The following CC2D2A variants were observed in gnomAD, a reference collection of about 807,000 sequenced individuals.
CC2D2A encodes coiled-coil and C2 domain-containing protein 2A.
CC2D2A carries 155 observed loss-of-function variants against 212.9 expected under a neutral mutation model. The ratio of observed to expected loss-of-function variants is 0.73; its 90% CI spans 0.64 to 0.83. CC2D2A has a LOEUF of 0.83. CC2D2A is among the 40% of genes least tolerant of loss of function. CC2D2A has a pLI of 0.00. For missense variants in CC2D2A, 1,856 were observed against 1,956.2 expected, an observed-to-expected ratio of 0.95 and a Z score of 0.97; for synonymous variants, 667 against 686.5, an observed-to-expected ratio of 0.97 and a Z score of 0.44.
At chr4:15,580,311 C>T (rs1560192833) in intron 30 of CC2D2A, 140 bp downstream of exon 30, 7 of 715,740 alleles carry the variant, frequency 9.8e-6, no homozygotes, top group East Asian at 8.2e-5. Flanking sequence ...ATGATTAAAA[C>T]ATTTTTATTA....
Position 15,567,474 on chromosome 4 carries a change from C to T in CC2D2A, c.3280C>T (p.Leu1094Phe), listed in dbSNP as rs200518703. Reference protein sequence around the residue: ...YSPTHNADYPLGQVLVRPFVE... With the variant: ...YSPTHNADYPFGQVLVRPFVE... The stretch of plus-strand genomic sequence containing the variant: ...CCCAACCCACAATGCTGACTACCCC[C>T]TCGGCCAGGTGAGAGATGCTGGACT... The change falls in exon 25 of 37, where the codon CTC becomes TTC. Residue 1094 changes from leucine (L) to phenylalanine (F), a missense_variant. Leu to Phe is a conservative substitution (Grantham distance 22). This residue lies in a region of CC2D2A where 1,512 missense variants were observed against 1,579.3 expected (regional missense o/e 0.96). Transcript: ENST00000424120. 1 of 1,612,468 alleles carries T rather than the reference C, an allele frequency of 6.2e-7. No individual in the cohort carries two copies. Among genetic ancestry groups the T allele is most frequent in the Non-Finnish European group, 8.5e-7 (1 of 1,179,332 alleles).
At chr4:15,555,674 G>A (rs1719241137) in intron 20 of CC2D2A, among the ~76,000 whole-genome samples, 1 of 152,206 alleles carries the variant, frequency 6.6e-6, no homozygotes, top group Non-Finnish European at 1.5e-5. Context: ...ACAAGGTTGA[G>A]GCTTCAGTGA....
rs150230533 is a variant in CC2D2A, at chr4:15,571,430, G to A, written c.3594+934G>A. The stretch of plus-strand genomic sequence containing the variant: ...TTTGAAGTCCCAGTATTAAGTCTAT[G>A]GCAACAGGAGGCTTTGAATCACTGT... On this transcript the variant is annotated intron_variant, in intron 28 of 36. Coordinates refer to ENST00000424120, the MANE Select transcript of CC2D2A (RefSeq NM_001378615.1). 6.3e-3 allele frequency among the ~76,000 whole-genome samples: 955 copies of A among 152,200 alleles called. 6 individuals are homozygous for A. Among genetic ancestry groups the A allele is most frequent in the South Asian group, 0.014 (67 of 4,824 alleles).
intron 4 of CC2D2A, among the ~76,000 whole-genome samples, chr4:15,495,190 C>A (rs1468181352): frequency 6.6e-6 from 1 of 152,118 alleles, no homozygotes; most frequent in Non-Finnish European, 1.5e-5. Context: ...TTCACTGCAG[C>A]CTCCACCTCC....
chr4:15,584,143 GA>G (rs199721735), intron 30 of CC2D2A, among the ~76,000 whole-genome samples: 19 of 148,466 alleles, frequency 1.3e-4, no homozygotes, highest in East Asian at 7.9e-4. Context: ...CACAGAAATA[GA>G]AAAAAAAAAT....
chr4:15,537,341 A>C (rs550827255), intron 15 of CC2D2A, among the ~76,000 whole-genome samples: 13 of 152,378 alleles, frequency 8.5e-5, no homozygotes, highest in African/African-American at 3.1e-4. Context: ...TGCCTATTTA[A>C]GTAATAATGT....
rs1560159855 is a variant in CC2D2A, at chr4:15,514,850, C to T, written c.861C>T (p.Phe287=). Reference sequence around the variant, plus strand: ...TGCAGATGGAAAGAGAAATGCTCTTCATACCCAGTAGGCAGACAGGTACTT... The same window carrying T: ...TGCAGATGGAAAGAGAAATGCTCTTTATACCCAGTAGGCAGACAGGTACTT... ...DRLQMEREML[F]IPSRQTVPTY... The change falls in exon 9 of 37, where the codon TTC becomes TTT. Residue 287 remains phenylalanine, a synonymous_variant. Transcript: ENST00000424120. 1 of 1,613,870 alleles carries T rather than the reference C, an allele frequency of 6.2e-7. No homozygotes were observed. Among genetic ancestry groups the T allele is most frequent in the Admixed American group, 1.7e-5 (1 of 60,032 alleles).
intron 17 of CC2D2A, among the ~76,000 whole-genome samples, chr4:15,547,768 C>T (rs1382311668): frequency 1.3e-5 from 2 of 152,166 alleles, no homozygotes; most frequent in South Asian, 2.1e-4. Flanking sequence ...GGGCCAGGTA[C>T]GGTGGCTCAC....
Position 15,528,690 on chromosome 4 carries a change from T to C in CC2D2A, c.1430T>C (p.Ile477Thr). 1 of 1,611,310 alleles carries C rather than the reference T, an allele frequency of 6.2e-7. No homozygotes were observed. The highest frequency in any genetic ancestry group is 8.5e-7 in the Non-Finnish European group (1 of 1,178,968). Residue 477 changes from isoleucine to threonine, a missense_variant, in exon 13 of 37, where the codon ATC (isoleucine) becomes ACC (threonine). Ile to Thr is a moderately conservative substitution (Grantham distance 89, BLOSUM62 -1). Coordinates refer to ENST00000424120, the MANE Select transcript of CC2D2A (RefSeq NM_001378615.1). ...PEKPHQSLDTIQKTINEYKSE... is the reference protein window; with the variant it reads ...PEKPHQSLDTTQKTINEYKSE... ...AAACCTCATCAGTCTCTCGATACCA[T>C]CCAAAAAACCATCAATGAGTATAAA...
At chr4:15,529,788 C>T (rs182485556) in intron 13 of CC2D2A, among the ~76,000 whole-genome samples, 2,572 of 148,726 alleles carry the variant, frequency 0.017, 40 homozygotes, top group Non-Finnish European at 0.025. Flanking sequence ...CAGAACAAAT[C>T]CTTAGAACAG....
Position 15,599,671 on chromosome 4 carries a change from A to G in CC2D2A, c.4639A>G (p.Arg1547Gly), listed in dbSNP as rs369986526. 6.2e-7 allele frequency: 1 copy of G among 1,613,130 alleles called. No homozygotes were observed. Among genetic ancestry groups the G allele is most frequent in the Non-Finnish European group, 8.5e-7 (1 of 1,179,210 alleles). The change falls in exon 36 of 37, where the codon AGA (arginine) becomes GGA (glycine). Residue 1547 changes from arginine to glycine, a missense_variant. Transcript: ENST00000424120. ...SQGEDVEDDH[R>G]AELLKQLGDY... The stretch of plus-strand genomic sequence containing the variant: ...AGGAGAAGATGTAGAAGATGACCAC[A>G]GAGCAGAACTGCTAAAACAGCTGGG...
chr4:15,595,649 C>T (rs997471873), intron 33 of CC2D2A, among the ~76,000 whole-genome samples: 1 of 152,134 alleles, frequency 6.6e-6, no homozygotes, highest in African/African-American at 2.4e-5. Flanking sequence ...GTTCCAGAAC[C>T]AACATGCTAC....
At chr4:15,527,387 G>A in intron 11 of CC2D2A, 60 bp from the exon 12 acceptor site, 1 of 1,267,846 alleles carries the variant, frequency 7.9e-7, no homozygotes, top group Non-Finnish European at 1.1e-6. Context: ...GTGGATTAGA[G>A]AATCATTATC....
At chr4:15,563,241 A>G in intron 23 of CC2D2A, 114 bp from the exon 24 acceptor site, 2 of 974,492 alleles carry the variant, frequency 2.1e-6, no homozygotes, top group Non-Finnish European at 3.0e-6. Flanking sequence ...TTCAAAGGAC[A>G]AGGAGTTTTT....
At chr4:15,516,923 A>T (rs1299776907) in intron 11 of CC2D2A, among the ~76,000 whole-genome samples, 167 bp downstream of exon 11, 2 of 150,864 alleles carry the variant, frequency 1.3e-5, no homozygotes, top group Non-Finnish European at 2.9e-5. Context: ...AGTAAGTCTA[A>T]TTATACTCAA....
At chr4:15,590,007 G>C (rs1476536485) in intron 33 of CC2D2A, among the ~76,000 whole-genome samples, 1 of 152,048 alleles carries the variant, frequency 6.6e-6, no homozygotes, top group Non-Finnish European at 1.5e-5. Context: ...CCAAAATAGA[G>C]TTTACAATTT....
At chr4:15,551,112 G>A (rs1184137876) in intron 18 of CC2D2A, 132 bp downstream of exon 18, 19 of 830,044 alleles carry the variant, frequency 2.3e-5, no homozygotes, top group Non-Finnish European at 3.4e-6. Context: ...AAACAATGAT[G>A]CTATGCAACT....
chr4:15,593,165 A>T (rs1320951602), intron 33 of CC2D2A, among the ~76,000 whole-genome samples: 1 of 152,208 alleles, frequency 6.6e-6, no homozygotes, highest in Non-Finnish European at 1.5e-5. Flanking sequence ...GGGGAACTTC[A>T]CTGCATACAG....
At chr4:15,474,774 A>G (rs1714064333) in intron 1 of CC2D2A, among the ~76,000 whole-genome samples, 1 of 152,198 alleles carries the variant, frequency 6.6e-6, no homozygotes, top group African/African-American at 2.4e-5. Flanking sequence ...GCCTCTGACC[A>G]AGTCAAGTAA....
Sources: gnomAD v4.1 joint callset for allele counts (sites outside exome capture counted in the v4.1 genomes callset) on GRCh38, gnomAD v4.1.1 for gene constraint, gnomAD v4.1.1 regional missense constraint, MANE v1.5 for transcripts, NCBI Gene and HGNC (gene_info 2026-07-23, HGNC 2026-07-21) for gene names.